Variants in PSME3IP1 observed in about 807,000 individuals in gnomAD.
PSME3IP1 encodes proteasome activator subunit 3 interacting protein 1.
A neutral mutation model predicts 34.1 loss-of-function variants in PSME3IP1; 13 were observed. That is an observed-to-expected ratio of 0.38 (90% CI 0.25 to 0.61). PSME3IP1 has a LOEUF of 0.61. PSME3IP1 is among the 20% of genes least tolerant of loss of function. The pLI is 0.60. For missense variants in PSME3IP1, 237 were observed against 301.4 expected (o/e 0.79, Z 1.58); for synonymous variants, 93 against 114.3 (o/e 0.81, Z 1.19).
At chr16:57,169,302 A>G (rs1186268172) in intron 4 of PSME3IP1, among the ~76,000 whole-genome samples, 1 of 152,234 alleles carries the variant, frequency 6.6e-6, no homozygotes, top group Non-Finnish European at 1.5e-5. Context: ...TGTTATTTAC[A>G]TGGTTTAAAC....
chr16:57,172,169 T>C, intron 4 of PSME3IP1, 82 bp downstream of exon 4: 1 of 1,473,324 alleles, frequency 6.8e-7, no homozygotes, highest in Non-Finnish European at 9.3e-7. Context: ...AAACCCTCTT[T>C]CTGTTGATGA....
At position 57,172,305 on chromosome 16, in the gene PSME3IP1, T is replaced by C. The variant is rs372924847; in HGVS notation, c.294A>G (p.Glu98=). The change falls in exon 4 of 7, where the codon GAA becomes GAG. Residue 98 remains glutamate, a synonymous_variant. Transcript: ENST00000309137. ...NFLDEVSRQQ[E]LIEKQRREEE... The stretch of plus-strand genomic sequence containing the variant: ...CTTCTCTTCGTTGCTTTTCTATTAG[T>C]TCCTGCTGTCGAGAAACCTCATCAA... 19 of 1,613,928 alleles carry C rather than the reference T, an allele frequency of 1.2e-5. No homozygotes were observed. The African/African-American group carries it at 1.6e-4, about 14-fold the overall frequency.
At chr16:57,167,388 A>T (rs2072015618) in intron 4 of PSME3IP1, 162 bp from the exon 5 acceptor site, 1 of 827,220 alleles carries the variant, frequency 1.2e-6, no homozygotes, top group Admixed American at 2.3e-5. Flanking sequence ...AAGATAAATG[A>T]AAGAGACCAT....
intron 6 of PSME3IP1, among the ~76,000 whole-genome samples, chr16:57,156,002 A>G (rs541462322): frequency 6.6e-6 from 1 of 152,262 alleles, no homozygotes; most frequent in East Asian, 1.9e-4. Context: ...CAAACAAAAC[A>G]AAGAAAGAAA....
intron 1 of PSME3IP1, among the ~76,000 whole-genome samples, chr16:57,179,392 AAAGT>A (rs2145936732): frequency 6.6e-6 from 1 of 152,362 alleles, no homozygotes; most frequent in Non-Finnish European, 1.5e-5. Context: ...ATTTCAAGCC[AAAGT>A]AACTGGTAAC....
At chr16:57,161,657 C>A (rs1317716344) in intron 6 of PSME3IP1, among the ~76,000 whole-genome samples, 2 of 151,804 alleles carry the variant, frequency 1.3e-5, no homozygotes, top group Non-Finnish European at 2.9e-5. Context: ...GGACTACAGG[C>A]ATCCGCCAGC....
chr16:57,154,250 C>T lies in PSME3IP1; in HGVS notation c.*40G>A. The T allele has an allele frequency of 6.3e-7, 1 of 1,591,898 alleles. No homozygotes were observed. The highest frequency in any genetic ancestry group is 8.6e-7 in the Non-Finnish European group (1 of 1,160,716). The stretch of plus-strand genomic sequence containing the variant: ...CTATAGGCAGCATGAACGGTCCGAT[C>T]TACCCTTGGGGAGGAGCTCCCTGTG... On this transcript the variant is annotated 3_prime_UTR_variant, in exon 7 of 7. Coordinates refer to ENST00000309137, the MANE Select transcript of PSME3IP1 (RefSeq NM_024946.4). This position sits in a 1 kb window ranked among gnomAD's most constrained non-coding sequence, Gnocchi z 4.0.
At chr16:57,159,623 G>A (rs894489811) in intron 6 of PSME3IP1, among the ~76,000 whole-genome samples, 9 of 152,132 alleles carry the variant, frequency 5.9e-5, no homozygotes, top group African/African-American at 2.2e-4. Flanking sequence ...TCTTCTTGTG[G>A]AGCCTTAATT....
At position 57,153,160 on chromosome 16, in the gene PSME3IP1, C is replaced by A. The variant is rs1245234112; in HGVS notation, c.*1130G>T. The stretch of plus-strand genomic sequence containing the variant: ...CGAGGCCTCCACACCATCTCCCTCT[C>A]CCTCCTCCAGAATCCAAGGGATGAG... On this transcript the variant is annotated 3_prime_UTR_variant, in exon 7 of 7. Coordinates refer to ENST00000309137, the MANE Select transcript of PSME3IP1 (RefSeq NM_024946.4). 6.6e-6 allele frequency: 1 copy of A among 152,588 alleles called. No individual in the cohort carries two copies. The highest frequency in any genetic ancestry group is 1.5e-5 in the Non-Finnish European group (1 of 68,064). 9.5% of individuals were successfully genotyped at this position (152,588 alleles called of 1,614,324 possible). A position where few individuals can be genotyped will look rare whatever the true frequency, so the allele number is the denominator to read the frequency against.
intron 4 of PSME3IP1, among the ~76,000 whole-genome samples, chr16:57,169,757 C>A (rs1454300157): frequency 1.3e-5 from 2 of 152,180 alleles, no homozygotes; most frequent in Non-Finnish European, 2.9e-5. Context: ...TAATATCATT[C>A]AAGTGAGAAG....
At chr16:57,182,834 C>T (rs913260849) in intron 1 of PSME3IP1, among the ~76,000 whole-genome samples, 5 of 152,102 alleles carry the variant, frequency 3.3e-5, no homozygotes, top group East Asian at 1.9e-4. Flanking sequence ...TGCTTGAACC[C>T]GGGAGGCGGA....
chr16:57,153,979 C>T lies in PSME3IP1; in HGVS notation c.*311G>A, dbSNP rs1847876103. 1 of 341,458 alleles carries T rather than the reference C, an allele frequency of 2.9e-6. No individual in the cohort carries two copies. Among genetic ancestry groups the T allele is most frequent in the African/African-American group, 2.1e-5 (1 of 47,244 alleles). The allele number at this position is 341,458 out of a possible 1,614,324, so 21.2% of individuals were successfully genotyped here. On this transcript the variant is annotated 3_prime_UTR_variant, in exon 7 of 7. Transcript: ENST00000309137. ...AATAAAACCCAAACCCTTTGGCAAG[C>T]CAGCCGGTGCCTATTCTCCTGGGGC...
chr16:57,173,797 C>G lies in PSME3IP1; in HGVS notation c.58G>C (p.Glu20Gln). 1 of 1,614,082 alleles carries G rather than the reference C, an allele frequency of 6.2e-7. No homozygotes were observed. The highest frequency in any genetic ancestry group is 1.3e-5 in the African/African-American group (1 of 75,010). ...IIKKRFVSEA[E>Q]LDERRKRRQE... is the part of the protein sequence containing the mutation. The stretch of plus-strand genomic sequence containing the variant: ...CTCCTTTTGCGCCGTTCATCTAGTT[C>G]TGCCTCAGACACAAACCTCTTTTTG... Residue 20 changes from glutamate (E) to glutamine (Q), a missense_variant, in exon 2 of 7, where the codon GAA becomes CAA. By Grantham distance (29) the Glu-to-Gln change is conservative. Transcript: ENST00000309137.
chr16:57,170,680 T>C (rs2072464657), intron 4 of PSME3IP1, among the ~76,000 whole-genome samples: 1 of 152,240 alleles, frequency 6.6e-6, no homozygotes, highest in South Asian at 2.1e-4. Context: ...TCTTTTTTCT[T>C]ATGGAGCTCA....
rs572535978 is a variant in PSME3IP1 at position 57,186,026 on chromosome 16, C to T, written c.-221G>A. 2 of 985,466 alleles carry T rather than the reference C, an allele frequency of 2.0e-6. No individual in the cohort carries two copies. Among genetic ancestry groups the T allele is most frequent in the Admixed American group, 1.2e-4 (2 of 16,292 alleles). 61.0% of individuals were successfully genotyped at this position (985,466 alleles called of 1,614,324 possible). A position where few individuals can be genotyped will look rare whatever the true frequency, so the allele number is the denominator to read the frequency against. Reference sequence around the variant, plus strand: ...TTTGACCCTTCAGGGCTTCCTGTTCCTCACCGCCACAATAGAGTCCCGCCC... The same window carrying T: ...TTTGACCCTTCAGGGCTTCCTGTTCTTCACCGCCACAATAGAGTCCCGCCC... On this transcript the variant is annotated 5_prime_UTR_variant, in exon 1 of 7. Transcript: ENST00000309137.
At chr16:57,174,258 C>T (rs1346854468) in intron 1 of PSME3IP1, 1 of 209,042 alleles carries the variant, frequency 4.8e-6, no homozygotes, top group Non-Finnish European at 8.4e-6. Flanking sequence ...CACACCGCTG[C>T]ACCCCAGCTT....
intron 1 of PSME3IP1, among the ~76,000 whole-genome samples, chr16:57,175,959 G>C (rs1441807109): frequency 6.6e-6 from 1 of 152,196 alleles, no homozygotes; most frequent in Non-Finnish European, 1.5e-5. Context: ...GTAACAATAA[G>C]AGCGAATTGT....
At chr16:57,169,172 CA>C (rs1420877403) in intron 4 of PSME3IP1, among the ~76,000 whole-genome samples, 4 of 152,164 alleles carry the variant, frequency 2.6e-5, no homozygotes, top group African/African-American at 9.7e-5. Flanking sequence ...TTTAAAAACA[CA>C]AACACACCTC....
chr16:57,156,172 T>C (rs1258537923), intron 6 of PSME3IP1, among the ~76,000 whole-genome samples: 2 of 152,230 alleles, frequency 1.3e-5, no homozygotes, highest in African/African-American at 4.8e-5. Context: ...ATGAGGAAAG[T>C]CAAATGACTT....
Sources: gnomAD v4.1 joint callset for allele counts (sites outside exome capture counted in the v4.1 genomes callset) on GRCh38, gnomAD v4.1.1 for gene constraint, Gnocchi (gnomAD v3.1) non-coding constraint, MANE v1.5 for transcripts, NCBI Gene and HGNC (gene_info 2026-07-23, HGNC 2026-07-21) for gene names.